JMJD1C: variants seen among roughly 807,000 people sequenced by gnomAD.
JMJD1C encodes the protein jumonji domain containing 1C.
A neutral mutation model predicts 245.3 loss-of-function variants in JMJD1C; 31 were observed. The observed-to-expected ratio is 0.13, with a 90% CI of 0.09 to 0.17. The LOEUF is 0.17. Among genes scored for constraint, JMJD1C ranks in the 10% least tolerant of loss-of-function variants. The probability of loss-of-function intolerance (pLI) is 1.00; values close to 1 mark genes in which losing one functional copy is unlikely to be tolerated. For missense variants in JMJD1C, 2,691 were observed against 3,000.2 expected, an observed-to-expected ratio of 0.90 and a Z score of 2.41; for synonymous variants, 1,057 against 1,017.4, an observed-to-expected ratio of 1.04 and a Z score of -0.74.
chr10:63,230,871 C>T (rs1279744313), intron 3 of JMJD1C, among the ~76,000 whole-genome samples: 2 of 151,962 alleles, frequency 1.3e-5, no homozygotes, highest in Admixed American at 6.6e-5. Context: ...CTTTCTACCA[C>T]ACAAGGTTAA....
chr10:63,276,336 G>A (rs1255449156), intron 2 of JMJD1C, among the ~76,000 whole-genome samples: 1 of 151,898 alleles, frequency 6.6e-6, no homozygotes, highest in Non-Finnish European at 1.5e-5. Context: ...CGGGGTGGCG[G>A]GTGCCTGTAG....
intron 2 of JMJD1C, among the ~76,000 whole-genome samples, chr10:63,303,179 A>T (rs1440240121): frequency 6.6e-6 from 1 of 152,230 alleles, no homozygotes; most frequent in Non-Finnish European, 1.5e-5. Context: ...AATGATTTAA[A>T]ACTCTTTGCA....
intron 2 of JMJD1C, among the ~76,000 whole-genome samples, chr10:63,316,534 G>A (rs926306488): frequency 3.3e-5 from 5 of 151,846 alleles, no homozygotes; most frequent in African/African-American, 7.3e-5. Flanking sequence ...TGCAACTTCC[G>A]CCTCCTGTGT....
At chr10:63,494,965 G>A (rs762962934) in intron 1 of JMJD1C, among the ~76,000 whole-genome samples, 15 of 152,192 alleles carry the variant, frequency 9.9e-5, no homozygotes, top group Non-Finnish European at 1.9e-4. Flanking sequence ...CTCTGTATGT[G>A]AGAAGACCCT....
intron 10 of JMJD1C, chr10:63,204,107 T>A (rs10995461): frequency 1.1e-6 from 1 of 929,912 alleles, no homozygotes. Context: ...GTCTGGGCAA[T>A]GTAGGGAGAC....
intron 1 of JMJD1C, among the ~76,000 whole-genome samples, chr10:63,440,388 A>C (rs567870579): frequency 0.011 from 1,632 of 149,792 alleles, 26 homozygotes; most frequent in African/African-American, 0.034. Context: ...AGAGAGAGAG[A>C]GCGCAAGCGT....
At chr10:63,294,655 T>C (rs1330733320) in intron 2 of JMJD1C, among the ~76,000 whole-genome samples, 2 of 152,200 alleles carry the variant, frequency 1.3e-5, no homozygotes, top group Non-Finnish European at 1.5e-5. Context: ...CACTCAAAAT[T>C]AATCCTTTCC....
intron 2 of JMJD1C, chr10:63,269,214 T>C (rs761761267): frequency 2.2e-4 from 213 of 985,168 alleles, no homozygotes; most frequent in Non-Finnish European, 2.5e-4. Context: ...GACACCCAAA[T>C]GAGAACGAGT....
chr10:63,362,442 A>G (rs1293442188), intron 2 of JMJD1C, among the ~76,000 whole-genome samples: 1 of 148,864 alleles, frequency 6.7e-6, no homozygotes, highest in African/African-American at 2.5e-5. Flanking sequence ...ACAATAGTTT[A>G]AATAGTTCAG....
At position 63,364,384 on chromosome 10, in the gene JMJD1C, C is replaced by T. The variant is rs528225875; in HGVS notation, c.333+15934G>A. On this transcript the variant is annotated intron_variant, in intron 2 of 25. Transcript: ENST00000399262. The stretch of plus-strand genomic sequence containing the variant: ...CTGTTAAATTGGTCACTAATTGACA[C>T]CCACTCCCTACATTCTAAAAATGTA... Among the ~76,000 whole-genome samples, 7 of 152,320 alleles carry T rather than the reference C, an allele frequency of 4.6e-5. No homozygotes were observed. The South Asian group carries it at 6.2e-4, about 14-fold the overall frequency.
At chr10:63,501,034 G>A (rs1167457244) in intron 1 of JMJD1C, among the ~76,000 whole-genome samples, 2 of 151,336 alleles carry the variant, frequency 1.3e-5, no homozygotes, top group East Asian at 3.9e-4. Flanking sequence ...AATTCCTATG[G>A]ATGAGGACAC....
intron 1 of JMJD1C, among the ~76,000 whole-genome samples, chr10:63,402,911 C>T (rs1472832556): frequency 6.6e-6 from 1 of 152,148 alleles, no homozygotes; most frequent in African/African-American, 2.4e-5. Flanking sequence ...CTGGTTTCTG[C>T]AGACTCCTCT....
chr10:63,394,001 T>C (rs1702859203), intron 1 of JMJD1C, among the ~76,000 whole-genome samples: 1 of 152,000 alleles, frequency 6.6e-6, no homozygotes, highest in African/African-American at 2.4e-5. Context: ...CTGGCCAACA[T>C]GGCAAAGCCT....
chr10:63,186,071 T>C, intron 19 of JMJD1C, 144 bp downstream of exon 19: 5 of 657,044 alleles, frequency 7.6e-6, no homozygotes, highest in Middle Eastern at 4.2e-4. Flanking sequence ...TAGGACCCAG[T>C]ATTTTGTTTC....
At chr10:63,246,399 G>A (rs533906315) in intron 3 of JMJD1C, among the ~76,000 whole-genome samples, 55 of 152,146 alleles carry the variant, frequency 3.6e-4, no homozygotes, top group African/African-American at 1.3e-3. Context: ...GGTAAGAAGG[G>A]AGGGCGACAA....
intron 1 of JMJD1C, among the ~76,000 whole-genome samples, chr10:63,504,976 T>C (rs1310432037): frequency 2.0e-4 from 31 of 152,010 alleles, no homozygotes; most frequent in Admixed American, 2.0e-3. Context: ...CATACCACTG[T>C]ACTCCAGCAT....
rs117165179 is a variant in JMJD1C, at chr10:63,354,314, T to C, written c.333+26004A>G. Among the ~76,000 whole-genome samples the C allele has an allele frequency of 2.0e-3, 298 of 152,372 alleles. 2 individuals are homozygous for C. The highest frequency in any genetic ancestry group is 3.4e-3 in the Non-Finnish European group (230 of 68,032). ...GTCACTAGTTTTTAATCTAATGAAA[T>C]TGTATATTTTTCTTAACCTAAAATT... On this transcript the variant is annotated intron_variant, in intron 2 of 25. Transcript: ENST00000399262.
intron 10 of JMJD1C, chr10:63,203,806 T>C (rs182563191): frequency 4.2e-6 from 4 of 959,216 alleles, no homozygotes; most frequent in African/African-American, 3.5e-5. Context: ...TAATTATACA[T>C]GTATAACGGT....
intron 1 of JMJD1C, among the ~76,000 whole-genome samples, chr10:63,479,037 C>CCTAGCAGGTGT (rs1398592567): frequency 6.6e-6 from 1 of 152,092 alleles, no homozygotes; most frequent in East Asian, 1.9e-4. Context: ...TGTTCTATTC[C>CCTAGCAGGTGT]CTAGCAGGTG....
Sources: allele counts gnomAD v4.1 joint callset (sites outside exome capture counted in the v4.1 genomes callset), GRCh38; gene constraint gnomAD v4.1.1; transcripts MANE v1.5; gene names NCBI Gene and HGNC (gene_info 2026-07-23, HGNC 2026-07-21).